Variants in SERINC5 observed in about 807,000 individuals in gnomAD.
SERINC5 encodes the protein chromosome 5 open reading frame 12.
SERINC5 carries 41 observed loss-of-function variants against 63.1 expected under a neutral mutation model. The observed-to-expected ratio is 0.65, with a 90% confidence interval of 0.51 to 0.84. The LOEUF (loss-of-function observed/expected upper bound fraction) is 0.84, where lower values mean the gene tolerates loss of function less well. SERINC5 is among the 40% of genes least tolerant of loss of function. SERINC5 has a pLI of 0.00. For synonymous variants in SERINC5, 222 were observed against 215.2 expected (o/e 1.03, Z -0.28); for missense variants, 523 against 573.0 (o/e 0.91, Z 0.89).
At chr5:80,241,698 C>T (rs558612421) in intron 1 of SERINC5, among the ~76,000 whole-genome samples, 239 of 151,472 alleles carry the variant, frequency 1.6e-3, no homozygotes, top group African/African-American at 5.5e-3. Context: ...GAGAACCCAT[C>T]GCTAAAAAAT....
chr5:80,217,006 G>C (rs1389026097), intron 1 of SERINC5, among the ~76,000 whole-genome samples: 1 of 151,884 alleles, frequency 6.6e-6, no homozygotes, highest in African/African-American at 2.4e-5. Flanking sequence ...GTGAGACTCT[G>C]TCTCTAAAAA....
intron 1 of SERINC5, among the ~76,000 whole-genome samples, chr5:80,253,764 T>C (rs1156695960): frequency 6.6e-6 from 1 of 152,182 alleles, no homozygotes; most frequent in Non-Finnish European, 1.5e-5. Flanking sequence ...CATTGTTTCA[T>C]TGTTTACATG....
At chr5:80,179,888 C>T (rs1037451883) in intron 2 of SERINC5, among the ~76,000 whole-genome samples, 12 of 152,188 alleles carry the variant, frequency 7.9e-5, no homozygotes, top group African/African-American at 2.7e-4. Flanking sequence ...TTACATCCTA[C>T]CAGTAATATC....
intron 1 of SERINC5, among the ~76,000 whole-genome samples, chr5:80,231,722 T>C (rs1252055293): frequency 6.6e-6 from 1 of 151,978 alleles, no homozygotes; most frequent in African/African-American, 2.4e-5. Context: ...GAAAGAATAG[T>C]CTTTTCAACA....
At chr5:80,229,030 T>TGGGGGGGGGGGGA (rs1300617664) in intron 1 of SERINC5, among the ~76,000 whole-genome samples, 1 of 41,784 alleles carries the variant, frequency 2.4e-5, no homozygotes, top group Admixed American at 2.6e-4. Flanking sequence ...CCTTTTTTTT[T>TGGGGGGGGGGGGA]TTTTTTTTTT....
chr5:80,184,673 A>G (rs1489767869), intron 2 of SERINC5, among the ~76,000 whole-genome samples: 2 of 152,206 alleles, frequency 1.3e-5, no homozygotes, highest in Non-Finnish European at 2.9e-5. Flanking sequence ...AAGGTGAACA[A>G]GCTAGCAGGA....
intron 11 of SERINC5, among the ~76,000 whole-genome samples, chr5:80,126,988 A>G (rs1231828013): frequency 1.3e-5 from 2 of 152,242 alleles, no homozygotes; most frequent in Non-Finnish European, 2.9e-5. Flanking sequence ...TAAAATCACC[A>G]TAATTCCAAC....
At chr5:80,207,017 T>A (rs969918053) in intron 1 of SERINC5, among the ~76,000 whole-genome samples, 11 of 151,894 alleles carry the variant, frequency 7.2e-5, no homozygotes, top group Non-Finnish European at 1.3e-4. Context: ...ATATATTTTT[T>A]AGACGGAGTC....
intron 4 of SERINC5, among the ~76,000 whole-genome samples, chr5:80,176,881 G>C (rs1748066707): frequency 6.6e-6 from 1 of 152,150 alleles, no homozygotes; most frequent in African/African-American, 2.4e-5. Flanking sequence ...TCATATTAAT[G>C]AATTAAAGCA....
At chr5:80,233,253 C>T (rs1751533415) in intron 1 of SERINC5, among the ~76,000 whole-genome samples, 1 of 152,134 alleles carries the variant, frequency 6.6e-6, no homozygotes, top group Non-Finnish European at 1.5e-5. Context: ...TGGAGAAACC[C>T]TATCTCTACT....
intron 2 of SERINC5, among the ~76,000 whole-genome samples, chr5:80,192,662 G>A (rs2112463653): frequency 1.3e-5 from 2 of 152,282 alleles, no homozygotes; most frequent in South Asian, 4.1e-4. Flanking sequence ...AAGCCAGCAT[G>A]TCGAAAGATA....
chr5:80,176,527 G>T (rs568105272), intron 4 of SERINC5, among the ~76,000 whole-genome samples: 8 of 152,270 alleles, frequency 5.3e-5, no homozygotes, highest in Middle Eastern at 3.4e-3. Flanking sequence ...TGCCTCCCAG[G>T]TTCAAGCAAT....
chr5:80,112,804 A>T (rs534915566), intron 12 of SERINC5, among the ~76,000 whole-genome samples: 2 of 151,968 alleles, frequency 1.3e-5, no homozygotes, highest in South Asian at 4.2e-4. Context: ...AATAAATAAA[A>T]ATTGTTTTAA....
intron 2 of SERINC5, among the ~76,000 whole-genome samples, chr5:80,188,848 A>G (rs1749001395): frequency 6.6e-6 from 1 of 152,184 alleles, no homozygotes; most frequent in South Asian, 2.1e-4. Flanking sequence ...GGATCACTTC[A>G]GCCCAGAAGG....
Position 80,142,675 on chromosome 5 carries a change from A to T in SERINC5, c.*988T>A. 1.0e-6 allele frequency: 1 copy of T among 985,452 alleles called. No individual in the cohort carries two copies. 61.0% of individuals were successfully genotyped at this position (985,452 alleles called of 1,614,324 possible). ...AACACAAAACGACTTCCGCTTTTAC[A>T]GTTTCAAAGGCCTCAAGGTGGAGAA... On this transcript the variant is annotated 3_prime_UTR_variant, in exon 12 of 12. Coordinates refer to ENST00000507668, the MANE Select transcript of SERINC5 (RefSeq NM_001174072.3).
At chr5:80,247,208 TAAAAGTAGACAATGCCATA>T (rs1057228921) in intron 1 of SERINC5, among the ~76,000 whole-genome samples, 1 of 152,172 alleles carries the variant, frequency 6.6e-6, no homozygotes, top group African/African-American at 2.4e-5. Flanking sequence ...TGCTCTGAAA[TAAAAGTAGACAATGCCATA>T]ATTACTGCAG....
intron 2 of SERINC5, among the ~76,000 whole-genome samples, chr5:80,197,578 G>C (rs1307607900): frequency 6.6e-6 from 1 of 152,112 alleles, no homozygotes; most frequent in Non-Finnish European, 1.5e-5. Context: ...TCCTACATTG[G>C]CCTGGCACAT....
chr5:80,199,334 T>G (rs190732778), intron 2 of SERINC5, among the ~76,000 whole-genome samples: 1 of 152,330 alleles, frequency 6.6e-6, no homozygotes, highest in African/African-American at 2.4e-5. Flanking sequence ...GGGGTAATGC[T>G]AGTACCTACT....
intron 2 of SERINC5, among the ~76,000 whole-genome samples, chr5:80,178,366 C>G (rs7381049): frequency 0.38 from 40,297 of 105,010 alleles, 7,875 homozygotes; most frequent in Admixed American, 0.43. Flanking sequence ...CCCCACCCCA[C>G]CCCCGACCCC....
Sources: gnomAD v4.1 joint callset for allele counts (sites outside exome capture counted in the v4.1 genomes callset) on GRCh38, gnomAD v4.1.1 for gene constraint, MANE v1.5 for transcripts, NCBI Gene and HGNC (gene_info 2026-07-23, HGNC 2026-07-21) for gene names.